The following TEX36 variants were observed in gnomAD, a reference collection of about 807,000 sequenced individuals.
The protein encoded by TEX36 is testis expressed 36.
TEX36 carries 12 observed loss-of-function variants against 13.6 expected under a neutral mutation model. The ratio of observed to expected loss-of-function variants is 0.88; its 90% CI spans 0.56 to 1.43. The LOEUF is 1.43. Ranked by LOEUF, TEX36 falls within the 40% of genes most tolerant of loss-of-function variation. The pLI is 0.00. For missense variants in TEX36, 224 were observed against 228.3 expected, an observed-to-expected ratio of 0.98 and a Z score of 0.12; for synonymous variants, 93 against 83.0, an observed-to-expected ratio of 1.12 and a Z score of -0.65.
At chr10:125,579,690 AT>A (rs1378950225) in intron 3 of TEX36, among the ~76,000 whole-genome samples, 1 of 152,060 alleles carries the variant, frequency 6.6e-6, no homozygotes, top group East Asian at 1.9e-4. Flanking sequence ...TGCTTTTCTC[AT>A]GATAGTGAGT....
intron 3 of TEX36, among the ~76,000 whole-genome samples, chr10:125,644,515 TAAG>T (rs972508396): frequency 6.6e-6 from 1 of 152,200 alleles, no homozygotes; most frequent in African/African-American, 2.4e-5. Flanking sequence ...ATTAGCTAAT[TAAG>T]AAGCTAGATA....
At chr10:125,660,932 G>T in intron 3 of TEX36, 89 bp downstream of exon 3, 1 of 1,152,720 alleles carries the variant, frequency 8.7e-7, no homozygotes, top group Non-Finnish European at 1.3e-6. Context: ...CAGTTTTGAG[G>T]CCAATCCTCT....
intron 3 of TEX36, among the ~76,000 whole-genome samples, chr10:125,636,861 T>C (rs775383662): frequency 7.6e-4 from 116 of 152,036 alleles, no homozygotes; most frequent in Non-Finnish European, 1.5e-3. Flanking sequence ...TGTGGTAGAG[T>C]AGATTTCTAA....
At chr10:125,677,633 AT>A (rs1847331296) in intron 1 of TEX36, among the ~76,000 whole-genome samples, 1 of 151,640 alleles carries the variant, frequency 6.6e-6, no homozygotes, top group Non-Finnish European at 1.5e-5. Flanking sequence ...TCTTTGTATT[AT>A]TTTTCAGCCT....
chr10:125,626,504 G>A (rs1364962811), intron 3 of TEX36, among the ~76,000 whole-genome samples: 1 of 152,150 alleles, frequency 6.6e-6, no homozygotes, highest in Non-Finnish European at 1.5e-5. Context: ...TCATCCAACA[G>A]ACATCGTGAA....
intron 3 of TEX36, among the ~76,000 whole-genome samples, chr10:125,638,425 G>T (rs941197677): frequency 1.3e-5 from 2 of 152,168 alleles, no homozygotes; most frequent in African/African-American, 4.8e-5. Context: ...GTGAGAGAAG[G>T]TCTCAGCTCA....
At chr10:125,677,996 T>C (rs1328592132) in intron 1 of TEX36, among the ~76,000 whole-genome samples, 1 of 152,228 alleles carries the variant, frequency 6.6e-6, no homozygotes, top group African/African-American at 2.4e-5. Context: ...AAATGAATAT[T>C]TTCAATTCTT....
intron 3 of TEX36, among the ~76,000 whole-genome samples, chr10:125,590,368 G>A (rs1268862834): frequency 6.6e-6 from 1 of 151,924 alleles, no homozygotes; most frequent in Non-Finnish European, 1.5e-5. Context: ...CTCCCACCTC[G>A]GCCTCCCAAA....
At chr10:125,583,071 G>C (rs1386248780) in intron 3 of TEX36, among the ~76,000 whole-genome samples, 2 of 152,194 alleles carry the variant, frequency 1.3e-5, no homozygotes, top group East Asian at 3.8e-4. Flanking sequence ...ATGGAAAACT[G>C]GTAGGATTTT....
chr10:125,652,308 A>G (rs1846873922), downstream of TEX36, among the ~76,000 whole-genome samples: 1 of 152,224 alleles, frequency 6.6e-6, no homozygotes, highest in Non-Finnish European at 1.5e-5. Flanking sequence ...AATGGAACAG[A>G]ACAGAGCCCT....
At chr10:125,638,360 AAG>A (rs913979651) in intron 3 of TEX36, among the ~76,000 whole-genome samples, 2 of 151,676 alleles carry the variant, frequency 1.3e-5, no homozygotes, top group African/African-American at 2.4e-5. Context: ...CTAAAAAAGA[AAG>A]AGAGAGAGAG....
intron 3 of TEX36, among the ~76,000 whole-genome samples, chr10:125,623,146 C>A (rs1846447820): frequency 6.6e-6 from 1 of 152,142 alleles, no homozygotes; most frequent in South Asian, 2.1e-4. Context: ...GAACTTTGCC[C>A]CAACCCTGCA....
chr10:125,667,763 A>G, intron 1 of TEX36: 1 of 843,680 alleles, frequency 1.2e-6, no homozygotes, highest in East Asian at 2.4e-5. Context: ...AGCTGTCAGC[A>G]GCAGCTGACA....
At chr10:125,581,340 C>T (rs911997916) in intron 3 of TEX36, among the ~76,000 whole-genome samples, 2 of 152,102 alleles carry the variant, frequency 1.3e-5, no homozygotes, top group African/African-American at 2.4e-5. Flanking sequence ...CCAGAAAGGC[C>T]CTGTTGCCCC....
intron 1 of TEX36, chr10:125,667,810 A>T: frequency 8.4e-7 from 1 of 1,192,958 alleles, no homozygotes; most frequent in Non-Finnish European, 1.2e-6. Flanking sequence ...TCTCGGCGTT[A>T]AGGGACTGCA....
In TEX36 at chr10:125,605,503, G is replaced by T. The variant is rs187904744; in HGVS notation, c.265-28629C>A. On this transcript the variant is annotated intron_variant, in intron 3 of 3. Transcript: ENST00000532135. ...TCCATACACAGCATAGCACAGCAAT[G>T]TGGTAAGTGCTTTAGAATTCTTTTG... 4.5e-4 allele frequency among the ~76,000 whole-genome samples: 69 copies of T among 152,306 alleles called. 1 individual carries two copies. The highest frequency in any genetic ancestry group is 1.6e-3 in the African/African-American group (66 of 41,540).
chr10:125,661,777 C>A, intron 2 of TEX36, 69 bp downstream of exon 2: 2 of 1,527,280 alleles, frequency 1.3e-6, no homozygotes, highest in South Asian at 2.5e-5. Context: ...TTTGGCCCAA[C>A]GTGCCAGCGG....
At chr10:125,649,791 G>A (rs1288464545) in intron 3 of TEX36, among the ~76,000 whole-genome samples, 2 of 152,108 alleles carry the variant, frequency 1.3e-5, no homozygotes, top group Admixed American at 6.6e-5. Context: ...AAAACAAAGG[G>A]ATGAAGGAAG....
intron 3 of TEX36, among the ~76,000 whole-genome samples, chr10:125,586,198 G>C (rs1049547386): frequency 1.3e-5 from 2 of 152,180 alleles, no homozygotes; most frequent in African/African-American, 4.8e-5. Flanking sequence ...TGTATACTTA[G>C]TTGGTTTCCA....
Sources: allele counts gnomAD v4.1 joint callset (sites outside exome capture counted in the v4.1 genomes callset), GRCh38; gene constraint gnomAD v4.1.1; transcripts MANE v1.5; gene names NCBI Gene and HGNC (gene_info 2026-07-23, HGNC 2026-07-21).